QKI: variants seen among roughly 807,000 people sequenced by gnomAD.
The protein encoded by QKI is KH domain-containing RNA-binding protein QKI.
A neutral mutation model predicts 39.0 loss-of-function variants in QKI; 10 were observed. That is an observed-to-expected ratio of 0.26 (90% confidence interval 0.16 to 0.43). The LOEUF (loss-of-function observed/expected upper bound fraction) is 0.43. QKI is among the 20% of genes least tolerant of loss of function. The pLI is 1.00. For missense variants in QKI, 218 were observed against 428.0 expected (o/e 0.51, Z 4.33); for synonymous variants, 204 against 155.4 (o/e 1.31, Z -2.33).
chr6:163,544,782 C>T (rs542470406), intron 4 of QKI, among the ~76,000 whole-genome samples: 13 of 152,074 alleles, frequency 8.5e-5, no homozygotes, highest in African/African-American at 1.4e-4. Flanking sequence ...AATGTGGATG[C>T]GTCTTTCAAA....
intron 3 of QKI, among the ~76,000 whole-genome samples, chr6:163,488,274 T>A (rs1777803254): frequency 6.6e-6 from 1 of 152,036 alleles, no homozygotes; most frequent in Non-Finnish European, 1.5e-5. Context: ...TGAGAATTCT[T>A]CCTCAGACTT....
intron 1 of QKI, among the ~76,000 whole-genome samples, chr6:163,442,793 T>C (rs1322750318): frequency 6.6e-6 from 1 of 152,104 alleles, no homozygotes; most frequent in Non-Finnish European, 1.5e-5. Flanking sequence ...TTGTGGAGGG[T>C]TGGTCTGGAA....
chr6:163,438,481 T>C (rs1208203610), intron 1 of QKI, among the ~76,000 whole-genome samples: 1 of 152,210 alleles, frequency 6.6e-6, no homozygotes, highest in East Asian at 1.9e-4. Context: ...TAAATCTAGA[T>C]GGTATAGCCT....
chr6:163,539,837 C>G (rs1488525897), intron 4 of QKI, among the ~76,000 whole-genome samples: 1 of 152,168 alleles, frequency 6.6e-6, no homozygotes, highest in East Asian at 1.9e-4. Context: ...TCAACACACA[C>G]TCAAACCCTG....
At chr6:163,516,774 G>T (rs186174221) in intron 3 of QKI, among the ~76,000 whole-genome samples, 1 of 151,910 alleles carries the variant, frequency 6.6e-6, no homozygotes. Flanking sequence ...TACTACTTGC[G>T]TTCTTACTGG....
intron 1 of QKI, among the ~76,000 whole-genome samples, chr6:163,420,045 G>C (rs1787860195): frequency 6.6e-6 from 1 of 151,948 alleles, no homozygotes; most frequent in African/African-American, 2.4e-5. Flanking sequence ...TGAAAGAAGT[G>C]AAGTATAATA....
chr6:163,562,451 T>G (rs1783092090), intron 5 of QKI, among the ~76,000 whole-genome samples: 1 of 152,240 alleles, frequency 6.6e-6, no homozygotes, highest in Admixed American at 6.5e-5. Flanking sequence ...ATTTGAAGTG[T>G]ATCTGACTGA....
chr6:163,415,481 G>A (rs1283689812), intron 1 of QKI, 146 bp downstream of exon 1: 72 of 701,734 alleles, frequency 1.0e-4, no homozygotes, highest in Non-Finnish European at 2.0e-5. Context: ...GCGCACAAAG[G>A]AGGTGCCGGG....
Position 163,470,730 on chromosome 6 carries a change from A to G in QKI, c.286-8050A>G, listed in dbSNP as rs1394294146. ...CTATAAAAGAAAAACTAAGCCAGAA[A>G]ATTATTTACCTACTATTAACAGGTG... On this transcript the variant is annotated intron_variant, in intron 2 of 7. Coordinates refer to ENST00000361752, the MANE Select transcript of QKI (RefSeq NM_006775.3). Among the ~76,000 whole-genome samples the G allele has an allele frequency of 2.6e-5, 4 of 152,160 alleles. No homozygotes were observed. The East Asian group carries it at 5.8e-4, about 22-fold the overall frequency.
chr6:163,527,058 A>G (rs1405527093), intron 3 of QKI, among the ~76,000 whole-genome samples: 4 of 152,168 alleles, frequency 2.6e-5, no homozygotes, highest in African/African-American at 9.6e-5. Context: ...GCCTAATTTA[A>G]TAAGTATTTG....
intron 1 of QKI, among the ~76,000 whole-genome samples, chr6:163,453,019 C>T (rs574416776): frequency 6.6e-5 from 10 of 152,156 alleles, no homozygotes; most frequent in African/African-American, 1.2e-4. Context: ...TGAGCCACTG[C>T]GCCCGGCACG....
At position 163,557,150 on chromosome 6, in the gene QKI, C is replaced by T. The variant is rs141080420; in HGVS notation, c.547-4832C>T. Among the ~76,000 whole-genome samples the T allele has an allele frequency of 2.3e-3, 345 of 152,200 alleles. 1 individual carries two copies. Among genetic ancestry groups the T allele is most frequent in the African/African-American group, 7.8e-3 (324 of 41,518 alleles). The stretch of plus-strand genomic sequence containing the variant: ...AGCCATTAAAACAGATGAACTACAG[C>T]GACATGCAGCAATATGGATGAGTCT... On this transcript the variant is annotated intron_variant, in intron 4 of 7. Coordinates refer to ENST00000361752, the MANE Select transcript of QKI (RefSeq NM_006775.3).
Position 163,415,213 on chromosome 6 carries a change from C to G in QKI, c.20C>G (p.Thr7Arg), listed in dbSNP as rs754490545. 6 of 1,587,224 alleles carry G rather than the reference C, an allele frequency of 3.8e-6. No homozygotes were observed. In the East Asian group the frequency reaches 9.2e-5, roughly 24 times the overall value. The change falls in exon 1 of 8, where the codon ACG becomes AGG. Residue 7 changes from threonine (T) to arginine (R), a missense_variant. Transcript: ENST00000361752. MVGEME[T>R]KEKPKPTPDY... ...TGGAATATGGTCGGGGAAATGGAAACGAAGGAGAAGCCGAAGCCCACCCCA... is the reference window on the plus strand; with the variant it reads ...TGGAATATGGTCGGGGAAATGGAAAGGAAGGAGAAGCCGAAGCCCACCCCA...
chr6:163,539,945 C>CT (rs1295800241), intron 4 of QKI, among the ~76,000 whole-genome samples: 1 of 151,504 alleles, frequency 6.6e-6, no homozygotes, highest in African/African-American at 2.4e-5. Flanking sequence ...GTTCTTATAA[C>CT]TATTTGTTAT....
At chr6:163,548,475 A>G (rs1782026752) in intron 4 of QKI, among the ~76,000 whole-genome samples, 1 of 152,222 alleles carries the variant, frequency 6.6e-6, no homozygotes, top group South Asian at 2.1e-4. Flanking sequence ...ATATCTATAT[A>G]TGTGTGATGG....
At chr6:163,437,869 G>T (rs1562432920) in intron 1 of QKI, among the ~76,000 whole-genome samples, 1 of 147,534 alleles carries the variant, frequency 6.8e-6, no homozygotes, top group Admixed American at 6.8e-5. Flanking sequence ...TTAAACTCCG[G>T]AAAAGTGGTT....
intron 1 of QKI, among the ~76,000 whole-genome samples, chr6:163,431,092 C>T (rs964852598): frequency 1.3e-5 from 2 of 151,872 alleles, no homozygotes; most frequent in East Asian, 3.9e-4. Flanking sequence ...TCTGTGGATC[C>T]TTGGGTGGAG....
intron 1 of QKI, among the ~76,000 whole-genome samples, chr6:163,428,396 A>G (rs564748745): frequency 4.0e-4 from 61 of 152,316 alleles, no homozygotes; most frequent in Admixed American, 8.5e-4. Flanking sequence ...TTTTCTTTGT[A>G]ATTATAAAGT....
intron 3 of QKI, among the ~76,000 whole-genome samples, chr6:163,510,276 A>C (rs554746443): frequency 6.7e-6 from 1 of 149,740 alleles, no homozygotes; most frequent in South Asian, 2.1e-4. Flanking sequence ...ACTAAAAAGC[A>C]AGCCAAGTGC....
Sources: gnomAD v4.1 joint callset for allele counts (sites outside exome capture counted in the v4.1 genomes callset) on GRCh38, gnomAD v4.1.1 for gene constraint, MANE v1.5 for transcripts, NCBI Gene and HGNC (gene_info 2026-07-23, HGNC 2026-07-21) for gene names.